EYS: variants seen among roughly 807,000 people sequenced by gnomAD.
EYS encodes the protein EGF-like photoreceptor maintenance factor.
In EYS, 250 loss-of-function variants were observed where a neutral mutation model predicts 282.1. The ratio of observed to expected loss-of-function variants is 0.89; its 90% confidence interval spans 0.80 to 0.98. The LOEUF (loss-of-function observed/expected upper bound fraction) is 0.98, where lower values mean the gene tolerates loss of function less well. EYS is among the 50% of genes least tolerant of loss of function. The probability of loss-of-function intolerance (pLI) is 0.00; values close to 1 mark genes in which losing one functional copy is unlikely to be tolerated. For missense variants in EYS, 4,016 were observed against 3,709.0 expected (o/e 1.08, Z -2.15); for synonymous variants, 1,355 against 1,282.9 (o/e 1.06, Z -1.20).
At chr6:65,237,514 G>A (rs1245569688) in intron 12 of EYS, among the ~76,000 whole-genome samples, 2 of 152,024 alleles carry the variant, frequency 1.3e-5, no homozygotes, top group African/African-American at 4.8e-5. Context: ...GTGACAGTAG[G>A]AAAAACTGAA....
intron 31 of EYS, among the ~76,000 whole-genome samples, chr6:64,199,986 CTATT>C (rs1459098068): frequency 9.2e-5 from 14 of 151,940 alleles, no homozygotes; most frequent in Admixed American, 6.6e-5. Flanking sequence ...CAAGGAAAAA[CTATT>C]TAGGGAAAAA....
intron 41 of EYS, among the ~76,000 whole-genome samples, chr6:63,740,382 T>G (rs1055640823): frequency 6.6e-5 from 10 of 152,202 alleles, no homozygotes; most frequent in African/African-American, 9.6e-5. Context: ...CCTTGCCTTC[T>G]GCCATGATTG....
intron 26 of EYS, among the ~76,000 whole-genome samples, chr6:64,589,650 T>C (rs1327420097): frequency 1.3e-5 from 2 of 152,076 alleles, no homozygotes; most frequent in Non-Finnish European, 2.9e-5. Context: ...AATTCACAGA[T>C]ATTATCTCCT....
At chr6:65,103,781 C>A (rs1373290544) in intron 12 of EYS, among the ~76,000 whole-genome samples, 2 of 151,470 alleles carry the variant, frequency 1.3e-5, no homozygotes, top group East Asian at 3.9e-4. Context: ...CACTTAATAA[C>A]CTAGCTTGTT....
intron 36 of EYS, among the ~76,000 whole-genome samples, 183 bp downstream of exon 36, chr6:63,864,003 G>C (rs183101115): frequency 6.6e-6 from 1 of 152,240 alleles, no homozygotes; most frequent in Admixed American, 6.5e-5. Flanking sequence ...TGATGGGTAT[G>C]AGAAGTACCT....
intron 12 of EYS, among the ~76,000 whole-genome samples, chr6:65,138,007 A>G (rs977506833): frequency 1.3e-5 from 2 of 152,082 alleles, no homozygotes; most frequent in African/African-American, 4.8e-5. Context: ...AGAACAAAAA[A>G]TTAAGAAATC....
At chr6:64,718,122 T>G (rs745311277) in intron 22 of EYS, among the ~76,000 whole-genome samples, 2 of 152,190 alleles carry the variant, frequency 1.3e-5, no homozygotes, top group African/African-American at 2.4e-5. Context: ...AGGGTACAAT[T>G]TAAGCATGGT....
chr6:64,819,498 G>A (rs1200469641), intron 21 of EYS, among the ~76,000 whole-genome samples: 1 of 151,836 alleles, frequency 6.6e-6, no homozygotes, highest in South Asian at 2.1e-4. Context: ...AATCAAGAAA[G>A]AATTAACAGA....
At chr6:65,041,671 C>T (rs1446242845) in intron 13 of EYS, among the ~76,000 whole-genome samples, 1 of 151,610 alleles carries the variant, frequency 6.6e-6, no homozygotes, top group African/African-American at 2.4e-5. Context: ...CCTGTTTTAT[C>T]ATAGGCCAGT....
intron 26 of EYS, among the ~76,000 whole-genome samples, chr6:64,550,716 C>G (rs957667978): frequency 6.6e-6 from 1 of 152,034 alleles, no homozygotes; most frequent in Non-Finnish European, 1.5e-5. Flanking sequence ...AAAACCCCAT[C>G]GTCTCAGCCC....
intron 26 of EYS, among the ~76,000 whole-genome samples, chr6:64,551,821 C>G (rs1765092929): frequency 6.6e-6 from 1 of 152,168 alleles, no homozygotes; most frequent in Admixed American, 6.5e-5. Context: ...ACAGTCCCAC[C>G]AACAGTGTAA....
chr6:63,774,174 C>CTT (rs797017727), intron 40 of EYS, among the ~76,000 whole-genome samples: 2 of 146,048 alleles, frequency 1.4e-5, no homozygotes, highest in African/African-American at 2.5e-5. Context: ...CACTGCTTTT[C>CTT]TTTTTTTTTT....
chr6:64,852,215 A>G (rs1765908263), intron 19 of EYS, among the ~76,000 whole-genome samples: 1 of 152,104 alleles, frequency 6.6e-6, no homozygotes, highest in African/African-American at 2.4e-5. Flanking sequence ...TCTGTCTGTG[A>G]GGGTGTTGGC....
intron 22 of EYS, among the ~76,000 whole-genome samples, chr6:64,769,220 G>T (rs1773450645): frequency 6.6e-6 from 1 of 151,966 alleles, no homozygotes; most frequent in Non-Finnish European, 1.5e-5. Context: ...TAGATGTTCT[G>T]CAGATACCAG....
chr6:64,638,245 G>T lies in EYS; in HGVS notation c.3444-12000C>A, dbSNP rs1017011660. 2.2e-5 allele frequency among the ~76,000 whole-genome samples: 2 copies of T among 91,608 alleles called. 1 individual carries two copies. Among genetic ancestry groups the T allele is most frequent in the Admixed American group, 2.3e-4 (2 of 8,536 alleles). The allele number at this position is 91,608 out of a possible 152,430, so 60.1% of individuals were successfully genotyped here. ...TGGGAAGAATGTAGGACCTTCTGAG[G>T]CAGGGACAGAACTAAACTTTAAACA... is the stretch of plus-strand genomic sequence containing the variant. On this transcript the variant is annotated intron_variant, in intron 22 of 42. Transcript: ENST00000503581.
At chr6:65,371,976 C>A (rs2150342415) in intron 8 of EYS, among the ~76,000 whole-genome samples, 1 of 135,246 alleles carries the variant, frequency 7.4e-6, no homozygotes, top group South Asian at 2.4e-4. Flanking sequence ...ATAAGTCACT[C>A]TTGTTGAGGA....
At chr6:65,077,385 G>T (rs886882976) in intron 12 of EYS, among the ~76,000 whole-genome samples, 2 of 152,030 alleles carry the variant, frequency 1.3e-5, no homozygotes, top group Non-Finnish European at 2.9e-5. Flanking sequence ...CAATGTTATT[G>T]GTTGCATTAA....
At chr6:64,818,804 G>A (rs1389182410) in intron 21 of EYS, among the ~76,000 whole-genome samples, 3 of 151,838 alleles carry the variant, frequency 2.0e-5, no homozygotes, top group Admixed American at 2.0e-4. Context: ...AATTGAGAGT[G>A]GGTCTGTCTT....
intron 7 of EYS, among the ~76,000 whole-genome samples, chr6:65,393,376 T>C (rs1343719501): frequency 6.6e-6 from 1 of 152,126 alleles, no homozygotes; most frequent in Admixed American, 6.6e-5. Flanking sequence ...AAGAAAAATA[T>C]AGCAGCCCAG....
Sources: allele counts gnomAD v4.1 joint callset (sites outside exome capture counted in the v4.1 genomes callset), GRCh38; gene constraint gnomAD v4.1.1; transcripts MANE v1.5; gene names NCBI Gene and HGNC (gene_info 2026-07-23, HGNC 2026-07-21).